Variants in TSPEAR observed in about 807,000 individuals in gnomAD.
TSPEAR encodes the protein thrombospondin type laminin G domain and EAR repeats, also known as thrombospondin-type laminin G domain and EAR repeat-containing protein.
Under a neutral mutation model 71.6 loss-of-function variants are expected in TSPEAR, and 69 were observed. The ratio of observed to expected loss-of-function variants is 0.96; its 90% CI spans 0.79 to 1.18. The LOEUF is 1.18. Ranked by LOEUF, TSPEAR falls within the 50% of genes most tolerant of loss-of-function variation. TSPEAR has a pLI of 0.00. For missense variants in TSPEAR, 971 were observed against 894.9 expected, an observed-to-expected ratio of 1.09 and a Z score of -1.09; for synonymous variants, 402 against 387.2, an observed-to-expected ratio of 1.04 and a Z score of -0.45.
intron 1 of TSPEAR, among the ~76,000 whole-genome samples, chr21:44,590,067 G>A (rs999530899): frequency 1.5e-4 from 23 of 152,240 alleles, no homozygotes; most frequent in Admixed American, 8.5e-4. Context: ...GCTGTCCTGG[G>A]TCTGCCTGGA....
intron 1 of TSPEAR, among the ~76,000 whole-genome samples, chr21:44,629,626 C>T (rs954776976): frequency 2.0e-5 from 3 of 152,224 alleles, no homozygotes; most frequent in African/African-American, 2.4e-5. Context: ...ACCTGTGCCT[C>T]GAAGATCCCC....
intron 1 of TSPEAR, among the ~76,000 whole-genome samples, chr21:44,708,357 T>A (rs1555952926): frequency 2.0e-5 from 3 of 152,042 alleles, no homozygotes; most frequent in African/African-American, 7.3e-5. Context: ...CACACAGCCT[T>A]CCAGGAGCGG....
intron 1 of TSPEAR, among the ~76,000 whole-genome samples, chr21:44,645,917 A>G (rs981167483): frequency 2.6e-5 from 4 of 151,448 alleles, no homozygotes. Context: ...AGGCGGGTAG[A>G]TCATGAGGTC....
At chr21:44,513,922 G>A (rs143973799) in intron 9 of TSPEAR, among the ~76,000 whole-genome samples, 13 of 152,252 alleles carry the variant, frequency 8.5e-5, no homozygotes, top group Admixed American at 2.6e-4. Context: ...TGGGGGCAGC[G>A]CTACTGGATG....
chr21:44,704,350 T>TGTCAGTCCAGACTTTACCCC (rs1987805569), intron 1 of TSPEAR, among the ~76,000 whole-genome samples: 1 of 151,390 alleles, frequency 6.6e-6, no homozygotes, highest in African/African-American at 2.4e-5. Context: ...TTCTGTAGCC[T>TGTCAGTCCAGACTTTACCCC]GTCAGTCCAG....
chr21:44,523,493 G>A (rs1429667680), intron 8 of TSPEAR, among the ~76,000 whole-genome samples: 4 of 150,800 alleles, frequency 2.7e-5, no homozygotes, highest in South Asian at 2.1e-4. Flanking sequence ...TTTGGTAGTC[G>A]GTCAGGTAGG....
intron 2 of TSPEAR, among the ~76,000 whole-genome samples, chr21:44,564,765 T>C (rs1555921539): frequency 6.6e-6 from 1 of 152,084 alleles, no homozygotes; most frequent in Non-Finnish European, 1.5e-5. Flanking sequence ...AAAACTTGAA[T>C]ACAATAAACC....
intron 1 of TSPEAR, among the ~76,000 whole-genome samples, chr21:44,708,102 A>G (rs904266887): frequency 6.6e-6 from 1 of 151,032 alleles, no homozygotes; most frequent in African/African-American, 2.4e-5. Context: ...AGGACGGGAG[A>G]GAGAGGGAGT....
intron 1 of TSPEAR, among the ~76,000 whole-genome samples, chr21:44,660,645 G>C (rs1304009766): frequency 2.6e-5 from 4 of 152,212 alleles, no homozygotes; most frequent in African/African-American, 9.6e-5. Flanking sequence ...TATGATAGCA[G>C]AGAGACACTT....
intron 9 of TSPEAR, 77 bp from the exon 10 acceptor site, chr21:44,509,463 G>A (rs1252280236): frequency 1.9e-6 from 2 of 1,026,640 alleles, no homozygotes; most frequent in Non-Finnish European, 2.8e-6. Context: ...GCAGAGGTGT[G>A]GGGGAGCGGG....
intron 1 of TSPEAR, chr21:44,654,574 C>G: frequency 6.2e-7 from 1 of 1,603,592 alleles, no homozygotes. Flanking sequence ...GGAGCCAGGG[C>G]AGGCCATTGG....
chr21:44,527,263 A>G (rs1555915029), intron 7 of TSPEAR, 29 bp downstream of exon 7: 4 of 1,611,698 alleles, frequency 2.5e-6, no homozygotes, highest in Middle Eastern at 1.7e-4. Flanking sequence ...GAGAAAGGGG[A>G]TGGAGAAAGT....
At chr21:44,567,049 G>A (rs587696947) in intron 2 of TSPEAR, among the ~76,000 whole-genome samples, 20 of 151,964 alleles carry the variant, frequency 1.3e-4, no homozygotes, top group Non-Finnish European at 2.5e-4. Flanking sequence ...GCTCCAAAGG[G>A]CTCTACCAAG....
intron 1 of TSPEAR, among the ~76,000 whole-genome samples, chr21:44,599,942 GC>G (rs1257060861): frequency 6.6e-6 from 1 of 152,204 alleles, no homozygotes; most frequent in African/African-American, 2.4e-5. Context: ...GGAAATGGGG[GC>G]CCCAAACAGG....
At position 44,637,797 on chromosome 21, in the gene TSPEAR, G is replaced by A. The variant is rs370050447; in HGVS notation, c.83-69792C>T. Reference sequence around the variant, plus strand: ...TGCTCCGAGTCTTCCCCTTCATGCTGCCAGCAGTCTAGCTGCCAGCCAACT... The same window carrying A: ...TGCTCCGAGTCTTCCCCTTCATGCTACCAGCAGTCTAGCTGCCAGCCAACT... On this transcript the variant is annotated intron_variant, in intron 1 of 11. Transcript: ENST00000323084. 31 of 1,357,272 alleles carry A rather than the reference G, an allele frequency of 2.3e-5. 1 individual carries two copies. In the South Asian group the frequency reaches 4.1e-4, roughly 18 times the overall value. 84.1% of individuals were successfully genotyped at this position (1,357,272 alleles called of 1,614,324 possible).
chr21:44,612,460 G>A lies in TSPEAR; in HGVS notation c.83-44455C>T, dbSNP rs782627966. On this transcript the variant is annotated intron_variant, in intron 1 of 11. Transcript: ENST00000323084. This position sits in a 1 kb window ranked among gnomAD's most constrained non-coding sequence, Gnocchi z 4.1. ...CCCCCTGCCAACAGGCCTGCTGTGT[G>A]CCTGTGTGCTGCAAGTCCAACTGCT... 1.2e-6 allele frequency: 2 copies of A among 1,612,314 alleles called. No homozygotes were observed. The highest frequency in any genetic ancestry group is 1.3e-5 in the African/African-American group (1 of 74,948).
intron 2 of TSPEAR, among the ~76,000 whole-genome samples, chr21:44,553,519 T>C (rs233244): frequency 0.23 from 34,246 of 151,826 alleles, 4,115 homozygotes; most frequent in East Asian, 0.37. Flanking sequence ...AAGGATAAAA[T>C]TCACAAATAT....
At chr21:44,579,661 G>A (rs1978741860) in intron 1 of TSPEAR, 2 of 1,463,000 alleles carry the variant, frequency 1.4e-6, no homozygotes, top group African/African-American at 1.4e-5. Flanking sequence ...AGCACATGGG[G>A]GCCCCGTCCC....
At chr21:44,635,279 G>A (rs1255494835) in intron 1 of TSPEAR, among the ~76,000 whole-genome samples, 1 of 148,770 alleles carries the variant, frequency 6.7e-6, no homozygotes, top group Admixed American at 6.8e-5. Context: ...CCGGGAGGTG[G>A]AGGTTGCAGT....
Sources: allele counts gnomAD v4.1 joint callset (sites outside exome capture counted in the v4.1 genomes callset), GRCh38; gene constraint gnomAD v4.1.1; non-coding constraint Gnocchi (gnomAD v3.1); transcripts MANE v1.5; gene names NCBI Gene and HGNC (gene_info 2026-07-23, HGNC 2026-07-21).